The following PGBD2 variants were observed in gnomAD, a reference collection of about 807,000 sequenced individuals.
The protein encoded by PGBD2 is piggyBac transposable element derived 2, also known as piggyBac transposable element-derived protein 2.
PGBD2 carries 6 observed loss-of-function variants against 8.1 expected under a neutral mutation model. The ratio of observed to expected loss-of-function variants is 0.74; its 90% CI spans 0.40 to 1.46. PGBD2 has a LOEUF of 1.46. PGBD2 is among the 40% of genes most tolerant of loss of function. PGBD2 has a pLI of 0.02. For missense variants in PGBD2, 802 were observed against 739.0 expected (o/e 1.09, Z -0.99); for synonymous variants, 318 against 272.2 (o/e 1.17, Z -1.66).
chr1:248,926,611 G>T, the PGBD2 span, among the ~76,000 whole-genome samples: 1 of 152,256 alleles, frequency 6.6e-6, no homozygotes, highest in East Asian at 1.9e-4. Context: ...AATGCCTTTT[G>T]TTTGTTATTA....
chr1:248,890,336 T>G, the PGBD2 span, among the ~76,000 whole-genome samples: 1 of 152,146 alleles, frequency 6.6e-6, no homozygotes, highest in Non-Finnish European at 1.5e-5. Context: ...CGAGCCACCC[T>G]TCATCTTTCT....
the PGBD2 span, among the ~76,000 whole-genome samples, chr1:248,925,035 G>A: frequency 2.0e-5 from 3 of 151,952 alleles, no homozygotes; most frequent in Non-Finnish European, 2.9e-5. Context: ...TTTCAAATGG[G>A]CTGATGGGTA....
the PGBD2 span, among the ~76,000 whole-genome samples, chr1:248,874,903 G>GAGATAGATAGAT: frequency 1.7e-4 from 25 of 145,422 alleles, no homozygotes; most frequent in East Asian, 4.0e-4. Context: ...TAGGTAGATA[G>GAGATAGATAGAT]AGATAGATAG....
At chr1:248,913,790 T>A (rs1006334275) in intron 1 of PGBD2, 26 bp from the exon 2 acceptor site, 6 of 1,247,426 alleles carry the variant, frequency 4.8e-6, no homozygotes, top group Admixed American at 1.8e-5. Context: ...CAATTTTTTT[T>A]TAAATTGACT....
intron 1 of PGBD2, among the ~76,000 whole-genome samples, chr1:248,909,894 G>T (rs192052253): frequency 7.8e-4 from 119 of 152,338 alleles, no homozygotes; most frequent in Admixed American, 1.9e-3. Flanking sequence ...GATGAGGCTG[G>T]GGACCAGGCT....
intron 1 of PGBD2, among the ~76,000 whole-genome samples, chr1:248,909,468 A>T (rs1661785054): frequency 6.6e-6 from 1 of 152,118 alleles, no homozygotes; most frequent in Non-Finnish European, 1.5e-5. Context: ...AATAGTAAAG[A>T]TGAAAATGAA....
chr1:248,908,683 T>TA (rs1406376797), intron 1 of PGBD2, among the ~76,000 whole-genome samples: 1 of 92,272 alleles, frequency 1.1e-5, no homozygotes, highest in Non-Finnish European at 2.3e-5. Context: ...GCTCTTCCTG[T>TA]ATTTTTTTTT....
chr1:248,876,975 A>G, the PGBD2 span, among the ~76,000 whole-genome samples: 1 of 152,174 alleles, frequency 6.6e-6, no homozygotes, highest in Non-Finnish European at 1.5e-5. Flanking sequence ...GTTAGATTGT[A>G]GCAGATTATA....
At chr1:248,900,431 G>A in the PGBD2 span, among the ~76,000 whole-genome samples, 3 of 152,164 alleles carry the variant, frequency 2.0e-5, no homozygotes, top group Non-Finnish European at 2.9e-5. Flanking sequence ...ATGCAAGGTT[G>A]GTTCAACATA....
chr1:248,900,710 C>T, the PGBD2 span, among the ~76,000 whole-genome samples: 2 of 152,124 alleles, frequency 1.3e-5, no homozygotes, highest in African/African-American at 4.8e-5. Context: ...CTCACTATTC[C>T]TATTCAACAT....
At chr1:248,914,473 G>A in intron 2 of PGBD2, 14 of 1,288,166 alleles carry the variant, frequency 1.1e-5, no homozygotes, top group Non-Finnish European at 1.4e-5. Context: ...CTCCCTGGAG[G>A]TCAGCATGGC....
At chr1:248,922,226 G>T (rs1572285047), downstream of PGBD2, among the ~76,000 whole-genome samples, 1 of 151,874 alleles carries the variant, frequency 6.6e-6, no homozygotes, top group East Asian at 1.9e-4. Context: ...TGCCCAGCTA[G>T]TTTTTTGTAT....
the PGBD2 span, among the ~76,000 whole-genome samples, chr1:248,888,964 T>C: frequency 6.6e-6 from 1 of 152,238 alleles, no homozygotes; most frequent in Non-Finnish European, 1.5e-5. Context: ...GTTAGCCAGT[T>C]TTCCCAGCAC....
the PGBD2 span, among the ~76,000 whole-genome samples, chr1:248,878,155 C>T: frequency 2.0e-5 from 3 of 151,412 alleles, no homozygotes; most frequent in East Asian, 3.9e-4. Flanking sequence ...CTTTGAGTTA[C>T]ACTATTTGTA....
At chr1:248,885,338 G>A in the PGBD2 span, among the ~76,000 whole-genome samples, 2 of 148,532 alleles carry the variant, frequency 1.3e-5, no homozygotes, top group African/African-American at 5.0e-5. Flanking sequence ...ATGGGGTTTT[G>A]CTACGTTTCC....
intron 1 of PGBD2, among the ~76,000 whole-genome samples, chr1:248,907,313 GC>G (rs2103101743): frequency 6.6e-6 from 1 of 152,342 alleles, no homozygotes; most frequent in African/African-American, 2.4e-5. Flanking sequence ...AACATGTCTT[GC>G]CTCCTGCCAT....
At position 248,916,668 on chromosome 1, in the gene PGBD2, T is replaced by C. The variant is rs751587040; in HGVS notation, c.84T>C (p.Asn28=). The stretch of plus-strand genomic sequence containing the variant: ...CTGCAAAGCTGCTTGAGGTTCTGAA[T>C]GCTATGGAGGAGGAAGAGTCCAACA... The part of the protein sequence containing the change: ...VKSAKLLEVL[N]AMEEEESNNN... Residue 28 remains asparagine (N), a synonymous_variant, in exon 3 of 3, where the codon AAT becomes AAC. Coordinates refer to ENST00000329291, the MANE Select transcript of PGBD2 (RefSeq NM_170725.3). 2 of 1,614,012 alleles carry C rather than the reference T, an allele frequency of 1.2e-6. No homozygotes were observed. Among genetic ancestry groups the C allele is most frequent in the African/African-American group, 1.3e-5 (1 of 74,894 alleles).
chr1:248,883,280 C>T, the PGBD2 span, among the ~76,000 whole-genome samples: 17 of 151,818 alleles, frequency 1.1e-4, no homozygotes, highest in East Asian at 2.1e-3. Flanking sequence ...TGTGCCACTA[C>T]GCCTGGCTAA....
At position 248,910,159 on chromosome 1, in the gene PGBD2, C is replaced by T. The variant is rs1242639291; in HGVS notation, c.-47-3657C>T. ...AGAAGTCAGACTGTTTGAGTTTTAT[C>T]AGTCATACTGATGCATCCTTAATCA... On this transcript the variant is annotated intron_variant, in intron 1 of 2. Transcript: ENST00000329291. Among the ~76,000 whole-genome samples, 2 of 152,194 alleles carry T rather than the reference C, an allele frequency of 1.3e-5. 1 individual carries two copies. Among genetic ancestry groups the T allele is most frequent in the Non-Finnish European group, 2.9e-5 (2 of 68,024 alleles).
Sources: gnomAD v4.1 joint callset for allele counts (sites outside exome capture counted in the v4.1 genomes callset) on GRCh38, gnomAD v4.1.1 for gene constraint, MANE v1.5 for transcripts, NCBI Gene and HGNC (gene_info 2026-07-23, HGNC 2026-07-21) for gene names.